The following GAK variants were observed in gnomAD, a reference collection of about 807,000 sequenced individuals.
The protein encoded by GAK is cyclin-G-associated kinase.
A neutral mutation model predicts 143.9 loss-of-function variants in GAK; 79 were observed. The observed-to-expected ratio is 0.55, with a 90% CI of 0.46 to 0.66. The LOEUF (loss-of-function observed/expected upper bound fraction) is 0.66. GAK is among the 30% of genes least tolerant of loss of function. The pLI, the probability that GAK is intolerant of heterozygous loss-of-function variation, is 0.00. For missense variants in GAK, 1,693 were observed against 1,779.7 expected (o/e 0.95, Z 0.88); for synonymous variants, 881 against 765.5 (o/e 1.15, Z -2.49).
chr4:929,042 G>A (rs949238324), intron 1 of GAK, among the ~76,000 whole-genome samples: 7 of 152,218 alleles, frequency 4.6e-5, no homozygotes, highest in Non-Finnish European at 7.3e-5. Context: ...GATCACAGGC[G>A]TGAGCCACTG....
chr4:890,738 A>G, intron 9 of GAK, 116 bp from the exon 10 acceptor site: 2 of 778,368 alleles, frequency 2.6e-6, no homozygotes, highest in South Asian at 3.3e-5. Context: ...CCCCTGATCT[A>G]TGACACAGTG....
At chr4:928,276 T>G (rs1172775910) in intron 1 of GAK, among the ~76,000 whole-genome samples, 1 of 152,264 alleles carries the variant, frequency 6.6e-6, no homozygotes, top group Admixed American at 6.5e-5. Flanking sequence ...CAGGCTGGTT[T>G]CGAACTCCTG....
intron 5 of GAK, among the ~76,000 whole-genome samples, chr4:904,099 C>T (rs1458331522): frequency 1.3e-5 from 2 of 152,232 alleles, no homozygotes; most frequent in East Asian, 3.8e-4. Flanking sequence ...CCCACAGAGG[C>T]TGTGAACCGC....
rs369455263 is a variant in GAK at position 877,105 on chromosome 4, G to A, written c.1959C>T (p.Gly653=). 2 of 1,611,250 alleles carry A rather than the reference G, an allele frequency of 1.2e-6. No homozygotes were observed. The highest frequency in any genetic ancestry group is 1.3e-5 in the African/African-American group (1 of 74,850). The change falls in exon 17 of 28, where the codon GGC becomes GGT. Residue 653 remains glycine (G), a synonymous_variant. Coordinates refer to ENST00000314167, the MANE Select transcript of GAK (RefSeq NM_005255.4). ...GCTCTCTCACCTTGGCCTGCAGCCGGCCGCCCAGAGTGGACCGGGCGTGAT... is the reference window on the plus strand; with the variant it reads ...GCTCTCTCACCTTGGCCTGCAGCCGACCGCCCAGAGTGGACCGGGCGTGAT... ...VIYHARSTLG[G]RLQAKMASMK...
At chr4:906,373 A>T (rs756486567) in intron 4 of GAK, among the ~76,000 whole-genome samples, 26 of 152,136 alleles carry the variant, frequency 1.7e-4, no homozygotes, top group Non-Finnish European at 1.9e-4. Context: ...CGTGACCCAC[A>T]CCCCAGGGAG....
chr4:908,390 A>AGGG (rs1721458275), intron 4 of GAK, among the ~76,000 whole-genome samples: 1 of 152,216 alleles, frequency 6.6e-6, no homozygotes, highest in Admixed American at 6.5e-5. Context: ...AGGCCTGAGC[A>AGGG]GGGTGCTCTC....
At chr4:855,647 T>C (rs1336001924) in intron 24 of GAK, among the ~76,000 whole-genome samples, 3 of 152,224 alleles carry the variant, frequency 2.0e-5, no homozygotes, top group African/African-American at 7.2e-5. Flanking sequence ...TCCTGCCCTG[T>C]TCCTGATTTT....
rs574919416 is a variant in GAK, at chr4:891,710, C to A, written c.991-1088G>T. ...CACTCGACAAAGCAAGAGGCCCACA[C>A]CCCCCTGCGAGCCCACTGTCCTCTG... On this transcript the variant is annotated intron_variant, in intron 9 of 27. Transcript: ENST00000314167. Among the ~76,000 whole-genome samples the A allele has an allele frequency of 3.3e-5, 5 of 152,290 alleles. No individual in the cohort carries two copies. In the South Asian group the frequency reaches 1.0e-3, roughly 32 times the overall value.
chr4:881,729 C>T (rs1398324610), intron 15 of GAK, among the ~76,000 whole-genome samples, 178 bp downstream of exon 15: 3 of 152,250 alleles, frequency 2.0e-5, no homozygotes, highest in Non-Finnish European at 4.4e-5. Flanking sequence ...GGCCCATCCT[C>T]CCCGGGCTCT....
At chr4:879,967 T>A (rs998263041) in intron 15 of GAK, among the ~76,000 whole-genome samples, 14 of 152,254 alleles carry the variant, frequency 9.2e-5, no homozygotes, top group Admixed American at 6.5e-5. Flanking sequence ...TTTCCTGGCA[T>A]TTCCACGGCT....
intron 1 of GAK, among the ~76,000 whole-genome samples, chr4:917,456 A>G (rs2152955830): frequency 6.6e-6 from 1 of 152,364 alleles, no homozygotes; most frequent in African/African-American, 2.4e-5. Flanking sequence ...ATACACATAC[A>G]GTCAGTGTAC....
chr4:931,149 G>A (rs1195315956), intron 1 of GAK, among the ~76,000 whole-genome samples: 3 of 152,244 alleles, frequency 2.0e-5, no homozygotes, highest in African/African-American at 7.2e-5. Flanking sequence ...GGGACCCACT[G>A]GCACTGGTGA....
intron 27 of GAK, 38 bp downstream of exon 27, chr4:849,854 C>CCAA: frequency 6.6e-7 from 1 of 1,504,070 alleles, no homozygotes; most frequent in Non-Finnish European, 9.0e-7. Context: ...CGCCCCGCCC[C>CCAA]TGAAGGCCTC....
chr4:914,224 C>T (rs1449988248), intron 1 of GAK, among the ~76,000 whole-genome samples: 1 of 77,090 alleles, frequency 1.3e-5, no homozygotes, highest in Non-Finnish European at 2.5e-5. Context: ...CCCACACACA[C>T]AGCCCCAGCG....
At chr4:912,476 A>C (rs1722219395) in intron 3 of GAK, 1 of 440,030 alleles carries the variant, frequency 2.3e-6, no homozygotes, top group Non-Finnish European at 4.2e-6. Context: ...CTGGGCAGGG[A>C]GACCTCTTGG....
At chr4:856,355 CTGCTCACCA>C (rs1749183355) in intron 24 of GAK, among the ~76,000 whole-genome samples, 1 of 130,184 alleles carries the variant, frequency 7.7e-6, no homozygotes, top group African/African-American at 3.8e-5. Context: ...CTGCTCACAC[CTGCTCACCA>C]CAGCTGCTCA....
At chr4:908,008 G>T (rs906870135) in intron 4 of GAK, among the ~76,000 whole-genome samples, 1 of 152,198 alleles carries the variant, frequency 6.6e-6, no homozygotes, top group Non-Finnish European at 1.5e-5. Context: ...GCTCCCTCGT[G>T]CACATATCCT....
At chr4:878,854 G>A (rs897297785) in intron 15 of GAK, among the ~76,000 whole-genome samples, 4 of 152,142 alleles carry the variant, frequency 2.6e-5, no homozygotes, top group South Asian at 2.1e-4. Flanking sequence ...GCCCTCTCCC[G>A]GAGCTTGTGC....
At chr4:860,444 T>C (rs56307842) in intron 23 of GAK, among the ~76,000 whole-genome samples, 24,519 of 151,866 alleles carry the variant, frequency 0.16, 2,172 homozygotes, top group Middle Eastern at 0.3. Context: ...TGGATCTATT[T>C]GAGGAAAAAG....
Sources: allele counts gnomAD v4.1 joint callset (sites outside exome capture counted in the v4.1 genomes callset), GRCh38; gene constraint gnomAD v4.1.1; transcripts MANE v1.5; gene names NCBI Gene and HGNC (gene_info 2026-07-23, HGNC 2026-07-21).